Variants in WNT16 observed in about 807,000 individuals in gnomAD.
The protein encoded by WNT16 is Wnt family member 16, also known as protein Wnt-16.
Under a neutral mutation model 35.4 loss-of-function variants are expected in WNT16, and 20 were observed. The ratio of observed to expected loss-of-function variants is 0.56; its 90% CI spans 0.40 to 0.82. The LOEUF is 0.82. Ranked by LOEUF, WNT16 falls within the 40% of genes least tolerant of loss-of-function variation. The pLI, the probability that WNT16 is intolerant of heterozygous loss-of-function variation, is 0.00. For missense variants in WNT16, 461 were observed against 466.0 expected (o/e 0.99, Z 0.10); for synonymous variants, 180 against 179.2 (o/e 1.00, Z -0.03).
chr7:121,337,640 G>C (rs554182678), intron 3 of WNT16, among the ~76,000 whole-genome samples: 1 of 152,324 alleles, frequency 6.6e-6, no homozygotes, highest in East Asian at 1.9e-4. Context: ...TCTGGGGATT[G>C]AAGGAAGCTA....
chr7:121,338,891 A>T lies in WNT16; in HGVS notation c.644A>T (p.Lys215Met), dbSNP rs1466185255. The stretch of plus-strand genomic sequence containing the variant: ...TACTGTTGGTTTCAGGCTGTCGCCA[A>T]GTTGATGTCAGTAGACTGCCGCTGC... ...NNEAGRQAVA[K>M]LMSVDCRCHG... Residue 215 changes from lysine to methionine, a missense_variant, in exon 4 of 4, where the codon AAG becomes ATG. Physicochemically the swap from Lys to Met is moderately conservative, Grantham distance 95 (BLOSUM62 -1). Transcript: ENST00000222462. 1 of 1,611,700 alleles carries T rather than the reference A, an allele frequency of 6.2e-7. No homozygotes were observed.
In WNT16 at chr7:121,339,245, T is replaced by C; in HGVS notation, c.998T>C (p.Val333Ala). Reference sequence around the variant, plus strand: ...TGTGGCCGAGGTTACAACACCCATGTGGTCAGGCACGTGGAGAGGTGTGAG... The same window carrying C: ...TGTGGCCGAGGTTACAACACCCATGCGGTCAGGCACGTGGAGAGGTGTGAG... ...LCCGRGYNTH[V>A]VRHVERCECK... The change falls in exon 4 of 4, where the codon GTG (valine) becomes GCG (alanine). Residue 333 changes from valine to alanine, a missense_variant. Coordinates refer to ENST00000222462, the MANE Select transcript of WNT16 (RefSeq NM_057168.2). 6.2e-7 allele frequency: 1 copy of C among 1,614,170 alleles called. No individual in the cohort carries two copies. Among genetic ancestry groups the C allele is most frequent in the African/African-American group, 1.3e-5 (1 of 75,046 alleles).
intron 3 of WNT16, among the ~76,000 whole-genome samples, chr7:121,334,621 G>T (rs1793407843): frequency 6.6e-6 from 1 of 152,056 alleles, no homozygotes; most frequent in African/African-American, 2.4e-5. Flanking sequence ...AGAAATGTGG[G>T]TACTGGCGCT....
chr7:121,332,665 A>AT (rs1313795701), intron 3 of WNT16, among the ~76,000 whole-genome samples: 8 of 152,054 alleles, frequency 5.3e-5, no homozygotes, highest in Admixed American at 6.6e-5. Flanking sequence ...CTTAACTAAT[A>AT]TTTTTTGTAA....
chr7:121,339,079 C>A lies in WNT16; in HGVS notation c.832C>A (p.Pro278Thr), dbSNP rs1183379389. The A allele has an allele frequency of 1.2e-6, 2 of 1,614,142 alleles. No homozygotes were observed. The highest frequency in any genetic ancestry group is 1.7e-6 in the Non-Finnish European group (2 of 1,180,032). Residue 278 changes from proline to threonine, a missense_variant, in exon 4 of 4, where the codon CCA becomes ACA. Pro to Thr is a conservative substitution (Grantham distance 38). Transcript: ENST00000222462. Reference protein sequence around the residue: ...RRREKDQRKIPIHKDDLLYVN... With the variant: ...RRREKDQRKITIHKDDLLYVN... ...GAGAGAAAAAGATCAGAGGAAAATA[C>A]CAATCCATAAGGATGATCTGCTCTA...
At chr7:121,337,364 A>C (rs1208186712) in intron 3 of WNT16, among the ~76,000 whole-genome samples, 1 of 152,216 alleles carries the variant, frequency 6.6e-6, no homozygotes, top group East Asian at 1.9e-4. Context: ...CATTTTTAAA[A>C]TTTGTTTGAA....
At chr7:121,327,161 C>G (rs963859834), upstream of WNT16, among the ~76,000 whole-genome samples, 7 of 152,168 alleles carry the variant, frequency 4.6e-5, no homozygotes, top group Non-Finnish European at 8.8e-5. Flanking sequence ...ATTTCTGGAT[C>G]AGTATCTACA....
upstream of WNT16, among the ~76,000 whole-genome samples, chr7:121,328,172 A>G (rs1040545075): frequency 6.6e-6 from 1 of 152,142 alleles, no homozygotes; most frequent in Non-Finnish European, 1.5e-5. Context: ...GGGGTGCCCA[A>G]TCCTAGCGAA....
At chr7:121,336,988 G>A (rs1408829736) in intron 3 of WNT16, among the ~76,000 whole-genome samples, 1 of 152,156 alleles carries the variant, frequency 6.6e-6, no homozygotes, top group Non-Finnish European at 1.5e-5. Context: ...CACTGATTGA[G>A]CTTTTTCTCG....
upstream of WNT16, chr7:121,325,524 G>A: frequency 6.3e-7 from 1 of 1,582,400 alleles, no homozygotes; most frequent in Non-Finnish European, 8.7e-7. Flanking sequence ...CTTTTTCAAT[G>A]TTTCAATGGA....
chr7:121,339,347 C>A lies in WNT16; in HGVS notation c.*2C>A, dbSNP rs780017797. 4.4e-6 allele frequency: 7 copies of A among 1,608,818 alleles called. 1 individual carries two copies. The South Asian group carries it at 6.6e-5, about 15-fold the overall frequency. On this transcript the variant is annotated 3_prime_UTR_variant, in exon 4 of 4. Transcript: ENST00000222462. ...ACTGATGTCCACACTTGCAAGTAAC[C>A]ACTCCATCCAGCCTTGGGCAAGATG... is the stretch of plus-strand genomic sequence containing the variant.
In WNT16 at chr7:121,331,929, G is replaced by A. The variant is rs770544427; in HGVS notation, c.598G>A (p.Ala200Thr). 5.0e-5 allele frequency: 81 copies of A among 1,613,958 alleles called. No homozygotes were observed. The highest frequency in any genetic ancestry group is 6.0e-5 in the Non-Finnish European group (71 of 1,180,016). ...GGGCAAAGAAAACAAAGTACTATTA[G>A]CAATGAACCTACATAACAATGAAGC... ...TTGKENKVLL[A>T]MNLHNNEAGR... Residue 200 changes from alanine (A) to threonine (T), a missense_variant, in exon 3 of 4, where the codon GCA becomes ACA. Physicochemically the swap from Ala to Thr is moderately conservative, Grantham distance 58 (BLOSUM62 0). Transcript: ENST00000222462.
rs1036947320 is a variant in WNT16, at chr7:121,340,837, T to C, written c.*1492T>C. 1 of 152,240 alleles carries C rather than the reference T, an allele frequency of 6.6e-6. No homozygotes were observed. The highest frequency in any genetic ancestry group is 1.5e-5 in the Non-Finnish European group (1 of 67,984). 9.4% of individuals were successfully genotyped at this position (152,240 alleles called of 1,614,324 possible). On this transcript the variant is annotated 3_prime_UTR_variant, in exon 4 of 4. Coordinates refer to ENST00000222462, the MANE Select transcript of WNT16 (RefSeq NM_057168.2). The stretch of plus-strand genomic sequence containing the variant: ...TACAGGGCTCTATTTAAGGATGTAT[T>C]TTAATGTAAATGCTTATGTTTTTTA...
chr7:121,331,376 T>G (rs1793342942), intron 2 of WNT16, among the ~76,000 whole-genome samples: 1 of 152,198 alleles, frequency 6.6e-6, no homozygotes, highest in Non-Finnish European at 1.5e-5. Context: ...AACTGTGCAC[T>G]GAACTGGGTG....
At chr7:121,333,156 G>T (rs1447605638) in intron 3 of WNT16, among the ~76,000 whole-genome samples, 1 of 151,932 alleles carries the variant, frequency 6.6e-6, no homozygotes, top group African/African-American at 2.4e-5. Context: ...ATTGCAATCT[G>T]TCACATTCTT....
chr7:121,338,543 C>T (rs1406508506), intron 3 of WNT16, among the ~76,000 whole-genome samples: 1 of 152,108 alleles, frequency 6.6e-6, no homozygotes, highest in Admixed American at 6.5e-5. Context: ...AAGCATCCTA[C>T]CACATTCAAA....
At chr7:121,326,937 CA>C (rs1397173812), upstream of WNT16, among the ~76,000 whole-genome samples, 1 of 152,214 alleles carries the variant, frequency 6.6e-6, no homozygotes, top group African/African-American at 2.4e-5. Context: ...ACTGTAGTTC[CA>C]GCATTTAGGC....
chr7:121,338,750 A>G, intron 3 of WNT16, 131 bp from the exon 4 acceptor site: 1 of 798,336 alleles, frequency 1.3e-6, no homozygotes, highest in Non-Finnish European at 1.9e-6. Flanking sequence ...AAGATTATTT[A>G]CGTTCAAAAC....
At chr7:121,333,567 C>G (rs2536189) in intron 3 of WNT16, among the ~76,000 whole-genome samples, 82,030 of 151,700 alleles carry the variant, frequency 0.54, 24,751 homozygotes, top group African/African-American at 0.83. Context: ...AAATAAATGA[C>G]TGAGATGTTG....
Sources: gnomAD v4.1 joint callset for allele counts (sites outside exome capture counted in the v4.1 genomes callset) on GRCh38, gnomAD v4.1.1 for gene constraint, MANE v1.5 for transcripts, NCBI Gene and HGNC (gene_info 2026-07-23, HGNC 2026-07-21) for gene names.